The following BAMBI variants were observed in gnomAD, a reference collection of about 807,000 sequenced individuals.
The protein encoded by BAMBI is BMP and activin membrane-bound inhibitor homolog.
In BAMBI, 21 loss-of-function variants were observed where a neutral mutation model predicts 24.1. The observed-to-expected ratio is 0.87, with a 90% CI of 0.62 to 1.26. The LOEUF (loss-of-function observed/expected upper bound fraction) is 1.26. Among genes scored for constraint, BAMBI ranks in the 50% most tolerant of loss-of-function variants. The pLI is 0.00. For synonymous variants in BAMBI, 156 were observed against 123.1 expected (o/e 1.27, Z -1.77); for missense variants, 388 against 329.1 (o/e 1.18, Z -1.38).
intron 1 of BAMBI, among the ~76,000 whole-genome samples, chr10:28,679,640 T>C (rs1329691084): frequency 6.6e-6 from 1 of 152,218 alleles, no homozygotes; most frequent in East Asian, 1.9e-4. Flanking sequence ...AGCATTTTAC[T>C]TGTATTCAGT....
At chr10:28,680,902 A>G (rs1834490372) in intron 1 of BAMBI, among the ~76,000 whole-genome samples, 1 of 152,222 alleles carries the variant, frequency 6.6e-6, no homozygotes. Flanking sequence ...AAAGCCTAAC[A>G]TTTTTATGTT....
intron 2 of BAMBI, 104 bp downstream of exon 2, chr10:28,681,649 A>G (rs569516208): frequency 3.7e-5 from 47 of 1,286,510 alleles, no homozygotes; most frequent in Admixed American, 2.1e-4. Context: ...ATGTAATTAG[A>G]GACACCAGAG....
At chr10:28,679,542 AG>A (rs991933260) in intron 1 of BAMBI, among the ~76,000 whole-genome samples, 7 of 151,946 alleles carry the variant, frequency 4.6e-5, no homozygotes, top group African/African-American at 1.2e-4. Context: ...TAAAAAAAAA[AG>A]GTAGTTAGAA....
rs746628144 is a variant in BAMBI, at chr10:28,682,166, T to C, written c.548T>C (p.Leu183Pro). ...LRMLRSENKRLQDQRQQMLSR... is the reference protein window; with the variant it reads ...LRMLRSENKRPQDQRQQMLSR... The stretch of plus-strand genomic sequence containing the variant: ...ATGCTTCGAAGTGAAAATAAGAGGC[T>C]GCAGGATCAGCGGCAACAGATGCTC... The change falls in exon 3 of 3, where the codon CTG becomes CCG. Residue 183 changes from leucine to proline, a missense_variant. Transcript: ENST00000375533. 3.7e-6 allele frequency: 6 copies of C among 1,614,134 alleles called. No individual in the cohort carries two copies. In the Admixed American group the frequency reaches 6.7e-5, roughly 18 times the overall value.
In BAMBI at chr10:28,681,560, T is replaced by C; in HGVS notation, c.364+15T>C. 6.2e-7 allele frequency: 1 copy of C among 1,609,900 alleles called. No homozygotes were observed. Among genetic ancestry groups the C allele is most frequent in the Non-Finnish European group, 8.5e-7 (1 of 1,177,504 alleles). ...TGAGGCCTCAGGTAGGTGGAAGCCG[T>C]TTCTAACCAGAATGCCTGCCTGATC... On this transcript the variant is annotated intron_variant, in intron 2 of 2. Coordinates refer to ENST00000375533, the MANE Select transcript of BAMBI (RefSeq NM_012342.3).
At chr10:28,679,861 TAC>T (rs139696723) in intron 1 of BAMBI, among the ~76,000 whole-genome samples, 8,038 of 152,210 alleles carry the variant, frequency 0.053, 278 homozygotes, top group African/African-American at 0.097. Flanking sequence ...GCAAGGTTCT[TAC>T]TTGAAGCAGA....
intron 1 of BAMBI, among the ~76,000 whole-genome samples, chr10:28,678,859 C>T (rs1190268609): frequency 6.6e-6 from 1 of 151,300 alleles, no homozygotes; most frequent in Non-Finnish European, 1.5e-5. Context: ...TTCTTCTTTC[C>T]TCTGCAGGCT....
At chr10:28,680,700 T>C (rs1309229586) in intron 1 of BAMBI, among the ~76,000 whole-genome samples, 1 of 152,248 alleles carries the variant, frequency 6.6e-6, no homozygotes, top group Non-Finnish European at 1.5e-5. Flanking sequence ...GTTTGCCTTT[T>C]CTAGAGAGGT....
At position 28,681,966 on chromosome 10, in the gene BAMBI, TC is replaced by T. The variant is rs1220256902; in HGVS notation, c.365-16del. The T allele has an allele frequency of 6.3e-7, 1 of 1,591,082 alleles. No homozygotes were observed. The highest frequency in any genetic ancestry group is 1.3e-5 in the African/African-American group (1 of 74,076). ...GAGTTAGCATGGAGTTTGATCATTT[TC>T]TTTGTACTCCTTTAGGACAAGGAAA... On this transcript the variant is annotated splice_polypyrimidine_tract_variant and intron_variant, in intron 2 of 2. Transcript: ENST00000375533.
intron 1 of BAMBI, among the ~76,000 whole-genome samples, chr10:28,678,435 C>A (rs1301585394): frequency 6.6e-6 from 1 of 152,176 alleles, no homozygotes; most frequent in African/African-American, 2.4e-5. Context: ...CGTTGTGTTT[C>A]TGAAAGTGTG....
chr10:28,682,500 CT>C lies in BAMBI; in HGVS notation c.*102del. On this transcript the variant is annotated 3_prime_UTR_variant, in exon 3 of 3. Coordinates refer to ENST00000375533, the MANE Select transcript of BAMBI (RefSeq NM_012342.3). ...TCTGAAGACAAACTCATTTAATCAT[CT>C]TTGAGAGACAAAATGACCTCTGCAA... 3 of 1,131,766 alleles carry C rather than the reference CT, an allele frequency of 2.7e-6. No individual in the cohort carries two copies. Among genetic ancestry groups the C allele is most frequent in the Non-Finnish European group, 1.3e-6 (1 of 795,666 alleles). The allele number at this position is 1,131,766 out of a possible 1,614,324, so 70.1% of individuals were successfully genotyped here. A position where few individuals can be genotyped will look rare whatever the true frequency, so the allele number is the denominator to read the frequency against.
rs774792587 is a variant in BAMBI, at chr10:28,682,344, C to CCT, written c.730_731dup (p.Leu245ArgfsTer34). On this transcript the variant is annotated frameshift_variant, in exon 3 of 3. Transcript: ENST00000375533. LOFTEE classifies it high-confidence loss of function. ...AAGCAGACCTCAGCAACGATAAGAT[C>CCT]CTCTCGCTTGTTCACTGGGGCATGT... The CCT allele has an allele frequency of 2.5e-6, 4 of 1,614,020 alleles. No homozygotes were observed. In the South Asian group the frequency reaches 3.3e-5, roughly 13 times the overall value.
intron 1 of BAMBI, among the ~76,000 whole-genome samples, chr10:28,680,086 G>A (rs1323781977): frequency 6.6e-6 from 1 of 152,136 alleles, no homozygotes; most frequent in Non-Finnish European, 1.5e-5. Context: ...AGAGAGAGGG[G>A]GAAGAATAAA....
In BAMBI at chr10:28,682,881, GT is replaced by G. The variant is rs773422715; in HGVS notation, c.*491del. On this transcript the variant is annotated 3_prime_UTR_variant, in exon 3 of 3. Coordinates refer to ENST00000375533, the MANE Select transcript of BAMBI (RefSeq NM_012342.3). ...GTTCTCAACTCTAGGATGTGGCTTG[GT>G]TTTTTTTTTTCTCTTTTCTTTTTTA... 40 of 142,924 alleles carry G rather than the reference GT, an allele frequency of 2.8e-4. No homozygotes were observed. Among genetic ancestry groups the G allele is most frequent in the Non-Finnish European group, 3.2e-4 (21 of 65,408 alleles). 8.9% of individuals were successfully genotyped at this position (142,924 alleles called of 1,614,324 possible). A position where few individuals can be genotyped will look rare whatever the true frequency, so the allele number is the denominator to read the frequency against.
chr10:28,677,915 C>CTACA lies in BAMBI; in HGVS notation c.20_23dup (p.Phe9HisfsTer20). 6.5e-7 allele frequency: 1 copy of CTACA among 1,527,658 alleles called. No homozygotes were observed. Among genetic ancestry groups the CTACA allele is most frequent in the Non-Finnish European group, 8.7e-7 (1 of 1,144,194 alleles). The allele number at this position is 1,527,658 out of a possible 1,614,324, so 94.6% of individuals were successfully genotyped here. Reference sequence around the variant, plus strand: ...GGGCGTCAATGGATCGCCACTCCAGCTACATCTTCATCTGGCTGCAGCTGG... The same window carrying CTACA: ...GGGCGTCAATGGATCGCCACTCCAGCTACATACATCTTCATCTGGCTGCAGCTGG... On this transcript the variant is annotated frameshift_variant, in exon 1 of 3. Transcript: ENST00000375533. LOFTEE classifies it high-confidence loss of function.
At chr10:28,678,352 C>T (rs549300996) in intron 1 of BAMBI, among the ~76,000 whole-genome samples, 1 of 152,288 alleles carries the variant, frequency 6.6e-6, no homozygotes, top group Admixed American at 6.5e-5. Flanking sequence ...TGTGTGAGTG[C>T]CTCAGGGTGT....
In BAMBI at chr10:28,677,887, G is replaced by T. The variant is rs1834453529; in HGVS notation, c.-11G>T. On this transcript the variant is annotated 5_prime_UTR_variant, in exon 1 of 3. Transcript: ENST00000375533. Reference sequence around the variant, plus strand: ...AAGCCGGCGGGGGCGCCGCGGCCGTGCGGGGCGTCAATGGATCGCCACTCC... The same window carrying T: ...AAGCCGGCGGGGGCGCCGCGGCCGTTCGGGGCGTCAATGGATCGCCACTCC... 3 of 1,502,736 alleles carry T rather than the reference G, an allele frequency of 2.0e-6. No individual in the cohort carries two copies. Among genetic ancestry groups the T allele is most frequent in the South Asian group, 1.2e-5 (1 of 80,590 alleles). The allele number at this position is 1,502,736 out of a possible 1,614,324, so 93.1% of individuals were successfully genotyped here.
At chr10:28,681,925 T>C in intron 2 of BAMBI, 58 bp from the exon 3 acceptor site, 1 of 1,434,744 alleles carries the variant, frequency 7.0e-7, no homozygotes, top group Non-Finnish European at 9.5e-7. Context: ...TTGATGATTA[T>C]GAATATCCCT....
intron 2 of BAMBI, 156 bp downstream of exon 2, chr10:28,681,701 G>A (rs1329268685): frequency 1.2e-6 from 1 of 854,798 alleles, no homozygotes; most frequent in African/African-American, 1.7e-5. Context: ...TTGATTGAGT[G>A]GCTTTTATGT....
Sources: allele counts gnomAD v4.1 joint callset (sites outside exome capture counted in the v4.1 genomes callset), GRCh38; gene constraint gnomAD v4.1.1; transcripts MANE v1.5; gene names NCBI Gene and HGNC (gene_info 2026-07-23, HGNC 2026-07-21).